Variants in PCDHGA1 observed in about 807,000 individuals in gnomAD.
The protein encoded by PCDHGA1 is protocadherin gamma-A1.
Under a neutral mutation model 58.0 loss-of-function variants are expected in PCDHGA1, and 32 were observed. That is an observed-to-expected ratio of 0.55 (90% confidence interval 0.42 to 0.74). The LOEUF (loss-of-function observed/expected upper bound fraction) is 0.74. PCDHGA1 is among the 30% of genes least tolerant of loss of function. The pLI, the probability that PCDHGA1 is intolerant of heterozygous loss-of-function variation, is 0.00. For missense variants in PCDHGA1, 1,205 were observed against 1,182.3 expected, an observed-to-expected ratio of 1.02 and a Z score of -0.28; for synonymous variants, 498 against 501.1, an observed-to-expected ratio of 0.99 and a Z score of 0.08.
intron 1 of PCDHGA1, chr5:141,389,373 C>T (rs1561624770): frequency 3.1e-6 from 5 of 1,613,756 alleles, no homozygotes; most frequent in Non-Finnish European, 4.2e-6. Flanking sequence ...CCTGGAGCAG[C>T]GGGAGCTGTC....
intron 1 of PCDHGA1, among the ~76,000 whole-genome samples, chr5:141,474,770 G>A (rs1221980722): frequency 6.6e-6 from 1 of 152,204 alleles, no homozygotes; most frequent in African/African-American, 2.4e-5. Context: ...GAAATAGTAT[G>A]AGGCTCTAAC....
chr5:141,500,258 G>A lies in PCDHGA1; in HGVS notation c.2481-5135G>A, dbSNP rs2099798463. On this transcript the variant is annotated intron_variant, in intron 2 of 3. Coordinates refer to ENST00000517417, the MANE Select transcript of PCDHGA1 (RefSeq NM_018912.3). ...TAGCCTTGCTCTGTCACCCAGGCTG[G>A]ACTGCAGTGGCGCAATCTCGGCTCA... Among the ~76,000 whole-genome samples the A allele has an allele frequency of 2.0e-5, 3 of 150,738 alleles. No homozygotes were observed. In the South Asian group the frequency reaches 6.3e-4, roughly 32 times the overall value.
At chr5:141,423,577 G>T (rs1348410879) in intron 1 of PCDHGA1, 1 of 1,613,478 alleles carries the variant, frequency 6.2e-7, no homozygotes, top group Admixed American at 1.7e-5. Flanking sequence ...CATCAGCCAG[G>T]AGAGCTGTGA....
At chr5:141,385,488 T>G in intron 1 of PCDHGA1, 1 of 1,400,248 alleles carries the variant, frequency 7.1e-7, no homozygotes, top group Non-Finnish European at 9.3e-7. Flanking sequence ...ATAGAACACA[T>G]AGGATATAGT....
chr5:141,473,262 G>T (rs905961411), intron 1 of PCDHGA1, among the ~76,000 whole-genome samples: 2 of 152,188 alleles, frequency 1.3e-5, no homozygotes, highest in Admixed American at 6.5e-5. Flanking sequence ...AGTCCTTAGT[G>T]TATGCTATGA....
At chr5:141,368,400 C>T (rs1765636638) in intron 1 of PCDHGA1, among the ~76,000 whole-genome samples, 1 of 152,106 alleles carries the variant, frequency 6.6e-6, no homozygotes, top group Admixed American at 6.6e-5. Flanking sequence ...CACAAACACA[C>T]ATACATACAC....
chr5:141,496,839 A>G (rs2099771783), intron 2 of PCDHGA1, among the ~76,000 whole-genome samples: 1 of 151,484 alleles, frequency 6.6e-6, no homozygotes. Flanking sequence ...CAGAACTCAT[A>G]GGCTTCCAGA....
In PCDHGA1 at chr5:141,431,543, C is replaced by T. The variant is rs1334234544; in HGVS notation, c.2422-63264C>T. The T allele has an allele frequency of 1.9e-6, 3 of 1,614,128 alleles. No individual in the cohort carries two copies. The highest frequency in any genetic ancestry group is 2.5e-6 in the Non-Finnish European group (3 of 1,180,036). ...GAATCTGGCCTTGGGCACGCAGCTGCTTGTAGTCAACGCTACCGACCCTGA... is the reference window on the plus strand; with the variant it reads ...GAATCTGGCCTTGGGCACGCAGCTGTTTGTAGTCAACGCTACCGACCCTGA... On this transcript the variant is annotated intron_variant, in intron 1 of 3. Transcript: ENST00000517417. This position sits in a 1 kb window ranked among gnomAD's most constrained non-coding sequence, Gnocchi z 4.8.
At position 141,491,700 on chromosome 5, in the gene PCDHGA1, G is replaced by A. The variant is rs1199177466; in HGVS notation, c.2422-3107G>A. 3.1e-6 allele frequency: 5 copies of A among 1,611,830 alleles called. No homozygotes were observed. The highest frequency in any genetic ancestry group is 4.2e-6 in the Non-Finnish European group (5 of 1,179,142). On this transcript the variant is annotated intron_variant, in intron 1 of 3. Coordinates refer to ENST00000517417, the MANE Select transcript of PCDHGA1 (RefSeq NM_018912.3). The surrounding 1 kb of genome is among the most constrained non-coding windows in gnomAD (Gnocchi z 6.9). ...CTAATACGCTGCGGGAGCGGAGCCA[G>A]GTGAGGGGCTCGGCGCCGCCCCGGG...
At position 141,477,167 on chromosome 5, in the gene PCDHGA1, G is replaced by A; in HGVS notation, c.2422-17640G>A. On this transcript the variant is annotated intron_variant, in intron 1 of 3. Coordinates refer to ENST00000517417, the MANE Select transcript of PCDHGA1 (RefSeq NM_018912.3). This position sits in a 1 kb window ranked among gnomAD's most constrained non-coding sequence, Gnocchi z 4.9. ...TGTGGATGTGAATGACAACGCCCCGGAGATCACAGTCACCTCCGTGTACAG... is the reference window on the plus strand; with the variant it reads ...TGTGGATGTGAATGACAACGCCCCGAAGATCACAGTCACCTCCGTGTACAG... 6.2e-7 allele frequency: 1 copy of A among 1,614,166 alleles called. No homozygotes were observed. Among genetic ancestry groups the A allele is most frequent in the South Asian group, 1.1e-5 (1 of 91,076 alleles).
chr5:141,348,380 G>T (rs191012446), intron 1 of PCDHGA1, among the ~76,000 whole-genome samples: 1 of 152,050 alleles, frequency 6.6e-6, no homozygotes, highest in African/African-American at 2.4e-5. Flanking sequence ...ACCTACTTGG[G>T]CAACATAGCA....
rs745435492 is a variant in PCDHGA1, at chr5:141,489,215, A to G, written c.2422-5592A>G. The G allele has an allele frequency of 4.1e-6, 6 of 1,475,362 alleles. No homozygotes were observed. Among genetic ancestry groups the G allele is most frequent in the Non-Finnish European group, 5.5e-6 (6 of 1,093,140 alleles). 91.4% of individuals were successfully genotyped at this position (1,475,362 alleles called of 1,614,324 possible). A position where few individuals can be genotyped will look rare whatever the true frequency, so the allele number is the denominator to read the frequency against. ...CTTGGAGACAGGACAGCACAGACTT[A>G]CTCTCCACAAAGGGACTTCTGGGTC... On this transcript the variant is annotated intron_variant, in intron 1 of 3. Coordinates refer to ENST00000517417, the MANE Select transcript of PCDHGA1 (RefSeq NM_018912.3). The surrounding 1 kb of genome is among the most constrained non-coding windows in gnomAD (Gnocchi z 4.5).
rs780268305 is a variant in PCDHGA1, at chr5:141,410,637, T to G, written c.2421+77532T>G. 1.9e-6 allele frequency: 3 copies of G among 1,599,938 alleles called. No homozygotes were observed. In the South Asian group the frequency reaches 3.3e-5, roughly 18 times the overall value. ...CTGACTTCGGTGAGTTTCTCTTTTT[T>G]GTGTGTGATTTATCTAATAGTCTAC... On this transcript the variant is annotated intron_variant, in intron 1 of 3. Transcript: ENST00000517417.
At chr5:141,408,302 C>G (rs1017556555) in intron 1 of PCDHGA1, 1 of 1,613,662 alleles carries the variant, frequency 6.2e-7, no homozygotes. Flanking sequence ...TGAGCCGATC[C>G]GCTACTCGAT....
intron 1 of PCDHGA1, among the ~76,000 whole-genome samples, chr5:141,466,554 G>A (rs2099125028): frequency 6.6e-6 from 1 of 152,068 alleles, no homozygotes. Flanking sequence ...TTTGCTGTGG[G>A]CTTCATCTTC....
At chr5:141,344,788 G>C in intron 1 of PCDHGA1, 2 of 1,613,984 alleles carry the variant, frequency 1.2e-6, no homozygotes, top group African/African-American at 2.7e-5. Flanking sequence ...GTGAGTGTTT[G>C]GGAGAACGTG....
chr5:141,366,178 C>A lies in PCDHGA1; in HGVS notation c.2421+33073C>A, dbSNP rs778986920. The stretch of plus-strand genomic sequence containing the variant: ...TGCTTAAGGCCAGCGAGCCAGGACT[C>A]TTTGCGGTTGGGCTGCACACGGGCG... On this transcript the variant is annotated intron_variant, in intron 1 of 3. Coordinates refer to ENST00000517417, the MANE Select transcript of PCDHGA1 (RefSeq NM_018912.3). The A allele has an allele frequency of 3.1e-6, 5 of 1,613,926 alleles. No individual in the cohort carries two copies. In the Admixed American group the frequency reaches 8.3e-5, roughly 27 times the overall value.
At chr5:141,361,013 A>C (rs185853995) in intron 1 of PCDHGA1, 1 of 1,613,268 alleles carries the variant, frequency 6.2e-7, no homozygotes, top group South Asian at 1.1e-5. Flanking sequence ...CACTTTTTCA[A>C]CTTAAATGAA....
intron 1 of PCDHGA1, chr5:141,388,609 TCA>T: frequency 6.2e-7 from 1 of 1,613,926 alleles, no homozygotes; most frequent in Non-Finnish European, 8.5e-7. Flanking sequence ...GCTCCAGTGT[TCA>T]GTCAAGACGT....
Sources: gnomAD v4.1 joint callset for allele counts (sites outside exome capture counted in the v4.1 genomes callset) on GRCh38, gnomAD v4.1.1 for gene constraint, Gnocchi (gnomAD v3.1) non-coding constraint, MANE v1.5 for transcripts, NCBI Gene and HGNC (gene_info 2026-07-23, HGNC 2026-07-21) for gene names.